The following SDK2 variants were observed in gnomAD, a reference collection of about 807,000 sequenced individuals.
The protein encoded by SDK2 is protein sidekick-2.
A neutral mutation model predicts 253.9 loss-of-function variants in SDK2; 105 were observed. That is an observed-to-expected ratio of 0.41 (90% CI 0.35 to 0.49). The LOEUF is 0.49. SDK2 is among the 20% of genes least tolerant of loss of function. SDK2 has a pLI of 0.06. For missense variants in SDK2, 2,608 were observed against 3,003.0 expected (o/e 0.87, Z 3.07); for synonymous variants, 1,249 against 1,234.9 (o/e 1.01, Z -0.24).
intron 17 of SDK2, among the ~76,000 whole-genome samples, chr17:73,415,153 G>T (rs753672965): frequency 6.6e-6 from 1 of 152,042 alleles, no homozygotes; most frequent in South Asian, 2.1e-4. Flanking sequence ...CTTCCCCTCA[G>T]TCCTCCCACC....
chr17:73,499,050 C>T (rs892654775), intron 2 of SDK2, among the ~76,000 whole-genome samples: 12 of 152,252 alleles, frequency 7.9e-5, no homozygotes, highest in African/African-American at 2.9e-4. Flanking sequence ...CGGTTCCTGG[C>T]ACTTACCCTG....
intron 44 of SDK2, among the ~76,000 whole-genome samples, chr17:73,339,679 G>T (rs972243299): frequency 7.3e-5 from 11 of 151,544 alleles, no homozygotes; most frequent in Non-Finnish European, 1.2e-4. Flanking sequence ...TCAGCCTTCT[G>T]AGTAGCCAGG....
At chr17:73,627,936 C>T (rs2046222810) in intron 1 of SDK2, among the ~76,000 whole-genome samples, 1 of 152,106 alleles carries the variant, frequency 6.6e-6, no homozygotes, top group Admixed American at 6.5e-5. Context: ...CCTGTAGTCC[C>T]AGCTACTCGG....
intron 1 of SDK2, among the ~76,000 whole-genome samples, chr17:73,628,360 G>A (rs1353950624): frequency 2.6e-5 from 4 of 152,224 alleles, no homozygotes; most frequent in Admixed American, 6.5e-5. Context: ...TCTCTGTGTC[G>A]GTTTCCTGGT....
chr17:73,590,650 G>A (rs897112085), intron 1 of SDK2, among the ~76,000 whole-genome samples: 3 of 152,200 alleles, frequency 2.0e-5, no homozygotes, highest in Non-Finnish European at 4.4e-5. Flanking sequence ...TGGCCAACCC[G>A]GAGAGTCACT....
At chr17:73,400,956 G>T in intron 21 of SDK2, 64 bp downstream of exon 21, 2 of 1,460,878 alleles carry the variant, frequency 1.4e-6, no homozygotes, top group Non-Finnish European at 1.9e-6. Flanking sequence ...CCGACAAGGG[G>T]CCTCTTGAAT....
chr17:73,465,826 C>A lies in SDK2; in HGVS notation c.331+6286G>T, dbSNP rs918395667. On this transcript the variant is annotated intron_variant, in intron 3 of 44. Transcript: ENST00000392650. The surrounding 1 kb of genome is among the most constrained non-coding windows in gnomAD (Gnocchi z 4.2). ...GATAGGAGAACTGGCTGCTTAGGGC[C>A]CCAGGACAAGCCCTTGTCACCCCAG... is the stretch of plus-strand genomic sequence containing the variant. Among the ~76,000 whole-genome samples, 2 of 152,078 alleles carry A rather than the reference C, an allele frequency of 1.3e-5. No homozygotes were observed. The highest frequency in any genetic ancestry group is 2.9e-5 in the Non-Finnish European group (2 of 68,012).
intron 1 of SDK2, among the ~76,000 whole-genome samples, chr17:73,604,761 G>A (rs561275913): frequency 1.3e-5 from 2 of 152,188 alleles, no homozygotes; most frequent in Non-Finnish European, 2.9e-5. Context: ...CAGCTTGGGC[G>A]GTGGGGCTAA....
intron 2 of SDK2, among the ~76,000 whole-genome samples, chr17:73,493,370 C>A (rs967689332): frequency 6.6e-6 from 1 of 152,182 alleles, no homozygotes; most frequent in African/African-American, 2.4e-5. Context: ...ATGTTCTGTG[C>A]GGCACATTGG....
At chr17:73,355,213 G>A (rs1256731959) in intron 40 of SDK2, among the ~76,000 whole-genome samples, 2 of 78,752 alleles carry the variant, frequency 2.5e-5, no homozygotes, top group East Asian at 5.9e-4. Flanking sequence ...GTCTCACTCT[G>A]TCGCCCAGGC....
chr17:73,362,941 C>T (rs1444120712), intron 38 of SDK2, among the ~76,000 whole-genome samples: 1 of 152,266 alleles, frequency 6.6e-6, no homozygotes, highest in African/African-American at 2.4e-5. Context: ...GTGATGGCGC[C>T]GGCCCCGGCA....
Position 73,335,422 on chromosome 17 carries a change from G to A in SDK2, c.*3165C>T, listed in dbSNP as rs571354612. ...GCATCACTGGCACGGAAAATCACAG[G>A]CCAGAAAGGGTCCCACTCTTTCTAC... On this transcript the variant is annotated 3_prime_UTR_variant, in exon 45 of 45. Coordinates refer to ENST00000392650, the MANE Select transcript of SDK2 (RefSeq NM_001144952.2). 19 of 152,356 alleles carry A rather than the reference G, an allele frequency of 1.2e-4. No homozygotes were observed. The highest frequency in any genetic ancestry group is 4.1e-4 in the African/African-American group (17 of 41,562). 9.4% of individuals were successfully genotyped at this position (152,356 alleles called of 1,614,324 possible).
At chr17:73,400,892 C>T (rs747605386) in intron 21 of SDK2, 128 bp downstream of exon 21, 4 of 876,098 alleles carry the variant, frequency 4.6e-6, no homozygotes, top group African/African-American at 1.7e-5. Flanking sequence ...AAGTGATACG[C>T]CTGCCTCAGC....
chr17:73,605,230 G>A (rs992645733), intron 1 of SDK2, among the ~76,000 whole-genome samples: 1 of 152,142 alleles, frequency 6.6e-6, no homozygotes, highest in Non-Finnish European at 1.5e-5. Flanking sequence ...GAAAGATGTA[G>A]GGAAGAGGCC....
In SDK2 at chr17:73,425,168, C is replaced by T. The variant is rs1055061549; in HGVS notation, c.1584-1076G>A. The stretch of plus-strand genomic sequence containing the variant: ...CCGGGAAGTGGAGGTTGCGGGGAGC[C>T]GAGATGGTGCCACTGCACTCCAGCC... On this transcript the variant is annotated intron_variant, in intron 12 of 44. Coordinates refer to ENST00000392650, the MANE Select transcript of SDK2 (RefSeq NM_001144952.2). Among the ~76,000 whole-genome samples the T allele has an allele frequency of 9.9e-5, 15 of 152,070 alleles. 1 individual carries two copies. The South Asian group carries it at 2.9e-3, about 29-fold the overall frequency.
intron 18 of SDK2, among the ~76,000 whole-genome samples, chr17:73,409,768 CT>C (rs879671102): frequency 1.1e-4 from 16 of 152,094 alleles, no homozygotes; most frequent in Non-Finnish European, 1.9e-4. Context: ...ATCTCTGCTG[CT>C]TTTATTCATT....
intron 1 of SDK2, among the ~76,000 whole-genome samples, chr17:73,615,430 A>G (rs2046041734): frequency 6.6e-6 from 1 of 152,210 alleles, no homozygotes; most frequent in South Asian, 2.1e-4. Flanking sequence ...CTGAGCTGCA[A>G]AGCAAGTCTC....
At chr17:73,497,584 C>T (rs2063852746) in intron 2 of SDK2, among the ~76,000 whole-genome samples, 1 of 152,066 alleles carries the variant, frequency 6.6e-6, no homozygotes, top group Admixed American at 6.6e-5. Context: ...CATCTTCCTC[C>T]CTCTCCTGCA....
At chr17:73,476,986 C>A (rs1310990440) in intron 2 of SDK2, among the ~76,000 whole-genome samples, 1 of 152,202 alleles carries the variant, frequency 6.6e-6, no homozygotes, top group Non-Finnish European at 1.5e-5. Context: ...GCCTGGGAGA[C>A]CTATTTCTGG....
Sources: gnomAD v4.1 joint callset for allele counts (sites outside exome capture counted in the v4.1 genomes callset) on GRCh38, gnomAD v4.1.1 for gene constraint, Gnocchi (gnomAD v3.1) non-coding constraint, MANE v1.5 for transcripts, NCBI Gene and HGNC (gene_info 2026-07-23, HGNC 2026-07-21) for gene names.